The following AFTPH variants were observed in gnomAD, a reference collection of about 807,000 sequenced individuals.
AFTPH encodes the protein aftiphilin.
Under a neutral mutation model 72.5 loss-of-function variants are expected in AFTPH, and 7 were observed. That is an observed-to-expected ratio of 0.10 (90% CI 0.05 to 0.18). AFTPH has a LOEUF of 0.18. AFTPH is among the 10% of genes least tolerant of loss of function. The pLI, the probability that AFTPH is intolerant of heterozygous loss-of-function variation, is 1.00. For synonymous variants in AFTPH, 337 were observed against 370.1 expected (o/e 0.91, Z 1.03); for missense variants, 979 against 1,060.5 (o/e 0.92, Z 1.07).
Position 64,566,693 on chromosome 2 carries a change from G to T in AFTPH, c.1936-869G>T, listed in dbSNP as rs565022447. On this transcript the variant is annotated intron_variant, in intron 2 of 8. Transcript: ENST00000238856. ...GAAAATAGGAATGAATGTTATTGTAGGTTGCACATGTATAGTAAACCTAGT... is the reference window on the plus strand; with the variant it reads ...GAAAATAGGAATGAATGTTATTGTATGTTGCACATGTATAGTAAACCTAGT... 2.0e-5 allele frequency among the ~76,000 whole-genome samples: 3 copies of T among 152,040 alleles called. No individual in the cohort carries two copies. The East Asian group carries it at 5.8e-4, about 29-fold the overall frequency.
chr2:64,559,548 A>G (rs1671590219), intron 2 of AFTPH, among the ~76,000 whole-genome samples: 1 of 152,156 alleles, frequency 6.6e-6, no homozygotes, highest in Non-Finnish European at 1.5e-5. Context: ...ATCAGGCAGA[A>G]GTTCCTTAGC....
At chr2:64,524,956 A>G (rs568904974) in intron 1 of AFTPH, among the ~76,000 whole-genome samples, 1 of 152,306 alleles carries the variant, frequency 6.6e-6, no homozygotes, top group East Asian at 1.9e-4. Context: ...TGCGTTCTCC[A>G]GGGAGCTGTT....
intron 6 of AFTPH, among the ~76,000 whole-genome samples, chr2:64,578,271 T>C (rs1421342869): frequency 3.3e-5 from 5 of 152,112 alleles, no homozygotes; most frequent in Non-Finnish European, 7.4e-5. Flanking sequence ...GAAAAAAATA[T>C]AAAGTTTTAA....
intron 1 of AFTPH, among the ~76,000 whole-genome samples, chr2:64,532,811 A>C (rs1669699698): frequency 6.6e-6 from 1 of 152,164 alleles, no homozygotes; most frequent in Admixed American, 6.5e-5. Context: ...TTTTGGGAAA[A>C]TTGAGTAAGG....
intron 2 of AFTPH, among the ~76,000 whole-genome samples, chr2:64,563,268 G>A (rs1671845153): frequency 6.6e-6 from 1 of 152,048 alleles, no homozygotes; most frequent in Non-Finnish European, 1.5e-5. Context: ...ACTATCCTTG[G>A]CTGATGTTGA....
In AFTPH at chr2:64,585,418, T is replaced by C; in HGVS notation, c.2456-4T>C. 1.2e-6 allele frequency: 2 copies of C among 1,613,484 alleles called. No homozygotes were observed. The highest frequency in any genetic ancestry group is 1.7e-6 in the Non-Finnish European group (2 of 1,179,892). On this transcript the variant is annotated splice_region_variant and splice_polypyrimidine_tract_variant and intron_variant, in intron 7 of 8. Coordinates refer to ENST00000238856, the Ensembl canonical transcript of AFTPH. ...CATCACTGACTATCATTTTATACTA[T>C]AAGGTGTGGATCCGGAGTTGTATGA...
chr2:64,590,152 G>A (rs1673737434), intron 8 of AFTPH, among the ~76,000 whole-genome samples: 1 of 152,158 alleles, frequency 6.6e-6, no homozygotes, highest in Non-Finnish European at 1.5e-5. Flanking sequence ...GTACCTGGCT[G>A]TTGGGGCTCT....
At chr2:64,556,263 C>T (rs1300437257) in intron 2 of AFTPH, among the ~76,000 whole-genome samples, 2 of 152,180 alleles carry the variant, frequency 1.3e-5, no homozygotes, top group Non-Finnish European at 2.9e-5. Flanking sequence ...GCTGGGATTA[C>T]AGGCGTGAGC....
chr2:64,573,113 ACACATATATC>A, intron 6 of AFTPH, 45 bp downstream of exon 6: 3 of 1,474,716 alleles, frequency 2.0e-6, no homozygotes, highest in Non-Finnish European at 2.8e-6. Context: ...GCGTGTATAT[ACACATATATC>A]CACACATACT....
At chr2:64,534,451 T>C (rs1023477078) in intron 1 of AFTPH, among the ~76,000 whole-genome samples, 1 of 152,168 alleles carries the variant, frequency 6.6e-6, no homozygotes, top group African/African-American at 2.4e-5. Flanking sequence ...AATATTTGAG[T>C]ATTCATCACT....
At chr2:64,572,523 T>C (rs1401438920) in intron 5 of AFTPH, among the ~76,000 whole-genome samples, 1 of 151,980 alleles carries the variant, frequency 6.6e-6, no homozygotes, top group Admixed American at 6.5e-5. Flanking sequence ...ATGTGACATA[T>C]TGTTGTCTCC....
exon 2 of AFTPH, chr2:64,551,535 G>C: frequency 4.3e-6 from 7 of 1,614,148 alleles, no homozygotes; most frequent in Non-Finnish European, 5.9e-6. Flanking sequence ...CAATGGAGCA[G>C]AGGATGATGA....
intron 4 of AFTPH, 98 bp from the exon 5 acceptor site, chr2:64,569,522 CAAT>C: frequency 7.6e-7 from 1 of 1,319,148 alleles, no homozygotes; most frequent in Non-Finnish European, 1.1e-6. Flanking sequence ...TTATCATTCC[CAAT>C]ATATGTAATA....
chr2:64,544,770 A>G lies in AFTPH; in HGVS notation c.-32-6673A>G, dbSNP rs1205905088. Among the ~76,000 whole-genome samples, 4 of 152,128 alleles carry G rather than the reference A, an allele frequency of 2.6e-5. No homozygotes were observed. The East Asian group carries it at 7.7e-4, about 29-fold the overall frequency. On this transcript the variant is annotated intron_variant, in intron 1 of 8. Transcript: ENST00000238856. ...TTCTGGAAAGTTTTGAGTCTCCCCT[A>G]CACTGATTGGTTCAAGGACACTTAG... is the stretch of plus-strand genomic sequence containing the variant.
In AFTPH at chr2:64,524,601, C is replaced by T. The variant is rs546512167; in HGVS notation, c.-44C>T. The stretch of plus-strand genomic sequence containing the variant: ...TGAGCCATGCCCATCGCAGCCGCCC[C>T]GAAGGAGCCAGGTAAGCGCCGCCGC... On this transcript the variant is annotated 5_prime_UTR_variant, in exon 1 of 9. Coordinates refer to ENST00000238856, the Ensembl canonical transcript of AFTPH. The T allele has an allele frequency of 1.5e-4, 61 of 398,626 alleles. 1 individual carries two copies. Among genetic ancestry groups the T allele is most frequent in the African/African-American group, 1.2e-3 (57 of 48,742 alleles). The allele number at this position is 398,626 out of a possible 1,614,324, so 24.7% of individuals were successfully genotyped here.
intron 1 of AFTPH, among the ~76,000 whole-genome samples, chr2:64,529,642 T>C (rs1403840737): frequency 6.6e-6 from 1 of 151,534 alleles, no homozygotes; most frequent in Non-Finnish European, 1.5e-5. Flanking sequence ...ACTTTTTTTT[T>C]TTTTTGAGAC....
exon 1 of AFTPH, chr2:64,524,510 G>C (rs1397314034): frequency 2.5e-6 from 1 of 399,728 alleles, no homozygotes; most frequent in Non-Finnish European, 4.4e-6. Flanking sequence ...CCGGCCTTCC[G>C]CTCTCACCAG....
chr2:64,573,104 C>T (rs772840002), intron 6 of AFTPH, 36 bp downstream of exon 6: 28 of 1,503,464 alleles, frequency 1.9e-5, no homozygotes, highest in East Asian at 2.3e-5. Context: ...TATGTTTATG[C>T]GTGTATATAC....
intron 6 of AFTPH, among the ~76,000 whole-genome samples, chr2:64,575,814 C>A (rs1275508608): frequency 1.3e-5 from 2 of 151,010 alleles, no homozygotes. Flanking sequence ...TTTCAGCTCA[C>A]TGCAACCTCC....
Sources: gnomAD v4.1 joint callset for allele counts (sites outside exome capture counted in the v4.1 genomes callset) on GRCh38, gnomAD v4.1.1 for gene constraint, MANE v1.5 for transcripts, NCBI Gene and HGNC (gene_info 2026-07-23, HGNC 2026-07-21) for gene names.